The following KCNK4 variants were observed in gnomAD, a reference collection of about 807,000 sequenced individuals.
The protein encoded by KCNK4 is potassium two pore domain channel subfamily K member 4.
KCNK4 carries 22 observed loss-of-function variants against 28.8 expected under a neutral mutation model. That is an observed-to-expected ratio of 0.76 (90% CI 0.55 to 1.09). The LOEUF is 1.09. KCNK4 is among the 50% of genes least tolerant of loss of function. KCNK4 has a pLI of 0.00. For missense variants in KCNK4, 483 were observed against 546.3 expected, an observed-to-expected ratio of 0.88 and a Z score of 1.15; for synonymous variants, 263 against 252.9, an observed-to-expected ratio of 1.04 and a Z score of -0.38.
At chr11:64,295,725 T>G (rs1392942852) in intron 2 of KCNK4, among the ~76,000 whole-genome samples, 1 of 151,888 alleles carries the variant, frequency 6.6e-6, no homozygotes, top group African/African-American at 2.4e-5. Flanking sequence ...AAAAAAGGAA[T>G]GCTGGTCTGG....
At chr11:64,295,632 T>TG (rs1565368924) in intron 2 of KCNK4, among the ~76,000 whole-genome samples, 2 of 129,394 alleles carry the variant, frequency 1.5e-5, no homozygotes, top group East Asian at 2.2e-4. Context: ...TCAGAAAATC[T>TG]GGGGGGAAGG....
At chr11:64,291,849 C>A (rs1168420278) in intron 1 of KCNK4, 1 of 201,266 alleles carries the variant, frequency 5.0e-6, no homozygotes, top group African/African-American at 2.4e-5. Flanking sequence ...CCAGGGGCGA[C>A]TGGCCGGGCG....
At chr11:64,294,410 C>G (rs1346381039) in intron 2 of KCNK4, among the ~76,000 whole-genome samples, 1 of 146,094 alleles carries the variant, frequency 6.8e-6, no homozygotes, top group African/African-American at 2.5e-5. Flanking sequence ...CCCAGCTACT[C>G]GGGAGGCTGA....
Position 64,297,127 on chromosome 11 carries a change from A to G in KCNK4, c.322A>G (p.Asn108Asp). The G allele has an allele frequency of 6.2e-7, 1 of 1,614,110 alleles. No individual in the cohort carries two copies. Among genetic ancestry groups the G allele is most frequent in the East Asian group, 2.2e-5 (1 of 44,884 alleles). ...ATCGCCCCTCTGCCCAGGCTATGGC[A>G]ATGTGGCCCTGCGCACAGATGCCGG... ...GTIITTIGYG[N>D]VALRTDAGRL... The change falls in exon 4 of 7, where the codon AAT becomes GAT. Residue 108 changes from asparagine to aspartate, a missense_variant. Coordinates refer to ENST00000422670, the MANE Select transcript of KCNK4 (RefSeq NM_033310.3).
intron 1 of KCNK4, chr11:64,292,149 T>G: frequency 1.0e-6 from 1 of 962,932 alleles, no homozygotes; most frequent in Non-Finnish European, 1.2e-6. Flanking sequence ...GGCGCGGCGC[T>G]GCAGCCTCGG....
chr11:64,294,664 G>T (rs1437441620), intron 2 of KCNK4, among the ~76,000 whole-genome samples: 1 of 152,066 alleles, frequency 6.6e-6, no homozygotes, highest in Non-Finnish European at 1.5e-5. Flanking sequence ...TCTATTATTT[G>T]AAATTGAAGA....
chr11:64,297,598 C>CA lies in KCNK4; in HGVS notation c.607dup (p.Ile203AsnfsTer225), dbSNP rs2034807790. The CA allele has an allele frequency of 6.2e-7, 1 of 1,613,974 alleles. No individual in the cohort carries two copies. The highest frequency in any genetic ancestry group is 8.5e-7 in the Non-Finnish European group (1 of 1,179,976). Reference sequence around the variant, plus strand: ...TGGAGGACTGGAGCAAGCTGGAGGCCATCTACTTTGTCATAGTGACGCTTA... The same window carrying CA: ...TGGAGGACTGGAGCAAGCTGGAGGCCAATCTACTTTGTCATAGTGACGCTTA... On this transcript the variant is annotated frameshift_variant, in exon 5 of 7. Transcript: ENST00000422670. LOFTEE classifies it high-confidence loss of function.
Position 64,299,597 on chromosome 11 carries a change from G to A in KCNK4, c.1053G>A (p.Ser351=), listed in dbSNP as rs1375416175. ...ACCTGGCCTTCATCGACGAGTCCTCGGATACGCAGAGCGAGCGCGGCTGCC... is the reference window on the plus strand; with the variant it reads ...ACCTGGCCTTCATCGACGAGTCCTCAGATACGCAGAGCGAGCGCGGCTGCC... ...SENLAFIDES[S]DTQSERGCPL... The change falls in exon 7 of 7, where the codon TCG becomes TCA. Residue 351 remains serine (S), a synonymous_variant. Transcript: ENST00000422670. The A allele has an allele frequency of 6.2e-7, 1 of 1,609,902 alleles. No homozygotes were observed. The highest frequency in any genetic ancestry group is 1.7e-5 in the Admixed American group (1 of 59,786).
chr11:64,297,209 T>C lies in KCNK4; in HGVS notation c.404T>C (p.Leu135Pro), dbSNP rs1270794262. Residue 135 changes from leucine to proline, a missense_variant, in exon 4 of 7, where the codon CTG becomes CCG. By Grantham distance (98) the Leu-to-Pro change is moderately conservative. Transcript: ENST00000422670. Reference sequence around the variant, plus strand: ...GGGATTCCGCTGTTTGGGATCCTACTGGCAGGGGTCGGGGACCGGCTGGGC... The same window carrying C: ...GGGATTCCGCTGTTTGGGATCCTACCGGCAGGGGTCGGGGACCGGCTGGGC... ...LVGIPLFGILLAGVGDRLGSS... is the reference protein window; with the variant it reads ...LVGIPLFGILPAGVGDRLGSS... 8 of 1,614,038 alleles carry C rather than the reference T, an allele frequency of 5.0e-6. No homozygotes were observed. Among genetic ancestry groups the C allele is most frequent in the Non-Finnish European group, 5.9e-6 (7 of 1,180,038 alleles).
At position 64,299,518 on chromosome 11, in the gene KCNK4, A is replaced by T; in HGVS notation, c.974A>T (p.Lys325Met). Reference protein sequence around the residue: ...GRPRSPSPPEKAQPPSPPTAS... With the variant: ...GRPRSPSPPEMAQPPSPPTAS... ...CCCCGATCCCCTTCGCCCCCCGAGA[A>T]GGCTCAGCCGCCTTCCCCGCCCACG... is the stretch of plus-strand genomic sequence containing the variant. The change falls in exon 7 of 7, where the codon AAG becomes ATG. Residue 325 changes from lysine to methionine, a missense_variant. Transcript: ENST00000422670. 6.2e-7 allele frequency: 1 copy of T among 1,608,936 alleles called. No homozygotes were observed. Among genetic ancestry groups the T allele is most frequent in the Non-Finnish European group, 8.5e-7 (1 of 1,178,582 alleles).
chr11:64,297,117 AGGCTAT>A lies in KCNK4; in HGVS notation c.316_321del (p.Tyr106_Gly107del). On this transcript the variant is annotated splice_acceptor_variant and coding_sequence_variant, in exon 4 of 7. Transcript: ENST00000422670. LOFTEE classifies it high-confidence loss of function. Reference sequence around the variant, plus strand: ...GACTTCCTGCATCGCCCCTCTGCCCAGGCTATGGCAATGTGGCCCTGCGCACAGATG... The same window carrying A: ...GACTTCCTGCATCGCCCCTCTGCCCAGGCAATGTGGCCCTGCGCACAGATG... 6.2e-7 allele frequency: 1 copy of A among 1,614,112 alleles called. No homozygotes were observed. Among genetic ancestry groups the A allele is most frequent in the Non-Finnish European group, 8.5e-7 (1 of 1,180,006 alleles).
At position 64,296,998 on chromosome 11, in the gene KCNK4, A is replaced by T; in HGVS notation, c.310A>T (p.Ile104Phe). 6.5e-7 allele frequency: 1 copy of T among 1,542,542 alleles called. No homozygotes were observed. The highest frequency in any genetic ancestry group is 8.7e-7 in the Non-Finnish European group (1 of 1,144,598). ...FFFSGTIITT[I>F]GYGNVALRTD... ...TTTCTCAGGGACCATCATCACCACC[A>T]TCGGTGGGGGAGGGGATTGGCATGT... is the stretch of plus-strand genomic sequence containing the variant. Residue 104 changes from isoleucine to phenylalanine, a missense_variant, in exon 3 of 7, where the codon ATC becomes TTC. By Grantham distance (21) the Ile-to-Phe change is conservative (BLOSUM62 0). Coordinates refer to ENST00000422670, the MANE Select transcript of KCNK4 (RefSeq NM_033310.3).
At position 64,297,191 on chromosome 11, in the gene KCNK4, C is replaced by T. The variant is rs771603293; in HGVS notation, c.386C>T (p.Pro129Leu). 4.6e-5 allele frequency: 75 copies of T among 1,614,024 alleles called. No individual in the cohort carries two copies. Among genetic ancestry groups the T allele is most frequent in the Non-Finnish European group, 6.3e-5 (74 of 1,180,036 alleles). The change falls in exon 4 of 7, where the codon CCG (proline) becomes CTG (leucine). Residue 129 changes from proline (P) to leucine (L), a missense_variant. Transcript: ENST00000422670. ...FCIFYALVGI[P>L]LFGILLAGVG... ...ATCTTTTATGCGCTGGTGGGGATTC[C>T]GCTGTTTGGGATCCTACTGGCAGGG...
chr11:64,291,935 G>A, intron 1 of KCNK4: 1 of 767,812 alleles, frequency 1.3e-6, no homozygotes. Flanking sequence ...ACGCTCCGAG[G>A]CGTCGCTGTG....
In KCNK4 at chr11:64,297,111, C is replaced by T. The variant is rs2034787736; in HGVS notation, c.314-8C>T. On this transcript the variant is annotated splice_region_variant and splice_polypyrimidine_tract_variant and intron_variant, in intron 3 of 6. Coordinates refer to ENST00000422670, the MANE Select transcript of KCNK4 (RefSeq NM_033310.3). ...CCCCTAGACTTCCTGCATCGCCCCT[C>T]TGCCCAGGCTATGGCAATGTGGCCC... is the stretch of plus-strand genomic sequence containing the variant. 3.7e-6 allele frequency: 6 copies of T among 1,614,036 alleles called. No homozygotes were observed. The highest frequency in any genetic ancestry group is 5.1e-6 in the Non-Finnish European group (6 of 1,180,016).
At chr11:64,299,237 C>G (rs1295008800) in intron 6 of KCNK4, 109 bp from the exon 7 acceptor site, 4 of 1,057,008 alleles carry the variant, frequency 3.8e-6, no homozygotes, top group East Asian at 6.1e-5. Flanking sequence ...GAGGACCAGG[C>G]AGAAAAGAGG....
intron 2 of KCNK4, 105 bp from the exon 3 acceptor site, chr11:64,296,773 C>A: frequency 1.6e-6 from 2 of 1,216,738 alleles, no homozygotes; most frequent in Non-Finnish European, 2.2e-6. Flanking sequence ...AAGGGGAGAA[C>A]AGGGAGGAGC....
At chr11:64,297,740 C>T in intron 5 of KCNK4, 87 bp downstream of exon 5, 8 of 1,401,378 alleles carry the variant, frequency 5.7e-6, no homozygotes, top group East Asian at 2.3e-5. Context: ...CTCCAGATCC[C>T]ATGTGGTTGC....
chr11:64,296,785 G>C, intron 2 of KCNK4, 93 bp from the exon 3 acceptor site: 1 of 1,347,512 alleles, frequency 7.4e-7, no homozygotes, highest in Non-Finnish European at 9.8e-7. Context: ...GGGAGGAGCA[G>C]GGAAGGAGCC....
Sources: gnomAD v4.1 joint callset for allele counts (sites outside exome capture counted in the v4.1 genomes callset) on GRCh38, gnomAD v4.1.1 for gene constraint, MANE v1.5 for transcripts, NCBI Gene and HGNC (gene_info 2026-07-23, HGNC 2026-07-21) for gene names.